AMY2B: variants seen among roughly 807,000 people sequenced by gnomAD.
AMY2B encodes amylase alpha 2B, also known as alpha-amylase 2B.
AMY2B carries 63 observed loss-of-function variants against 59.3 expected under a neutral mutation model. The ratio of observed to expected loss-of-function variants is 1.06; its 90% confidence interval spans 0.87 to 1.31. AMY2B has a LOEUF of 1.31. Ranked by LOEUF, AMY2B falls within the 50% of genes most tolerant of loss-of-function variation. The probability of loss-of-function intolerance (pLI) is 0.00; values close to 1 mark genes in which losing one functional copy is unlikely to be tolerated. For synonymous variants in AMY2B, 180 were observed against 198.1 expected (o/e 0.91, Z 0.77); for missense variants, 635 against 626.7 (o/e 1.01, Z -0.14).
upstream of AMY2B, chr1:103,568,581 G>A (rs1651988966): frequency 6.6e-6 from 1 of 152,070 alleles, no homozygotes. Context: ...TTTAAAAATG[G>A]AAATATCACA....
In AMY2B at chr1:103,577,520, A is replaced by T. The variant is rs754296775; in HGVS notation, c.1132A>T (p.Asn378Tyr). Residue 378 changes from asparagine to tyrosine, a missense_variant, in exon 8 of 10, where the codon AAT becomes TAT. Asn to Tyr is a moderately radical substitution (Grantham distance 143). Coordinates refer to ENST00000684275, the MANE Select transcript of AMY2B (RefSeq NM_001387437.1). The part of the protein sequence containing the change: ...DVNDWVGPPN[N>Y]NGVIKEVTIN... ...TAATGATTGGGTTGGGCCACCAAAT[A>T]ATAATGGAGTAATTAAAGAAGTTAC... 26 of 1,611,644 alleles carry T rather than the reference A, an allele frequency of 1.6e-5. No homozygotes were observed. The highest frequency in any genetic ancestry group is 2.1e-5 in the Non-Finnish European group (25 of 1,179,658).
At chr1:103,561,328 C>T (rs1352821888) in intron 1 of AMY2B, among the ~76,000 whole-genome samples, 11 of 151,940 alleles carry the variant, frequency 7.2e-5, no homozygotes, top group Admixed American at 5.2e-4. Flanking sequence ...AGTGCAGTGG[C>T]GCAGTCTCGG....
chr1:103,569,071 G>A (rs1652011964), upstream of AMY2B: 1 of 152,016 alleles, frequency 6.6e-6, no homozygotes, highest in African/African-American at 2.4e-5. Flanking sequence ...GCAACCATGA[G>A]GTCTTGGGAG....
chr1:103,562,461 C>G (rs1266462196), intron 1 of AMY2B, among the ~76,000 whole-genome samples: 2 of 152,064 alleles, frequency 1.3e-5, no homozygotes, highest in African/African-American at 4.8e-5. Flanking sequence ...TGAAGGTTTA[C>G]TATTTTGAGA....
chr1:103,571,404 A>C (rs905986775), upstream of AMY2B: 1 of 1,258,050 alleles, frequency 7.9e-7, no homozygotes, highest in African/African-American at 1.5e-5. Flanking sequence ...TTAATTTCTA[A>C]AAGGTCATTT....
At chr1:103,574,949 A>G (rs1360935433) in intron 5 of AMY2B, among the ~76,000 whole-genome samples, 1 of 151,202 alleles carries the variant, frequency 6.6e-6, no homozygotes, top group Non-Finnish European at 1.5e-5. Flanking sequence ...TATGAATATA[A>G]GTATTCCATA....
In AMY2B at chr1:103,573,170, T is replaced by C. The variant is rs752704778; in HGVS notation, c.423T>C (p.Phe141=). 11 of 1,613,668 alleles carry C rather than the reference T, an allele frequency of 6.8e-6. No homozygotes were observed. The highest frequency in any genetic ancestry group is 2.2e-5 in the East Asian group (1 of 44,868). Residue 141 remains phenylalanine, a synonymous_variant, in exon 3 of 10, where the codon TTT becomes TTC. Transcript: ENST00000684275. ...GSYFNPGSRD[F]PAVPYSGWDF... ...ACTTCAACCCTGGAAGTAGGGACTT[T>C]CCAGCAGTCCCATATTCTGGATGGG...
chr1:103,559,408 C>T (rs1651662754), intron 1 of AMY2B, among the ~76,000 whole-genome samples: 1 of 152,044 alleles, frequency 6.6e-6, no homozygotes, highest in Non-Finnish European at 1.5e-5. Context: ...GCTTAATTAC[C>T]TAAGGGCTTT....
intron 9 of AMY2B, among the ~76,000 whole-genome samples, chr1:103,578,774 T>C (rs910953727): frequency 2.6e-5 from 4 of 151,234 alleles, no homozygotes; most frequent in Non-Finnish European, 4.4e-5. Flanking sequence ...CCAAATTCTT[T>C]TTTACCTTAT....
chr1:103,574,010 A>T, intron 4 of AMY2B, 72 bp downstream of exon 4: 1 of 1,610,340 alleles, frequency 6.2e-7, no homozygotes, highest in Non-Finnish European at 8.5e-7. Flanking sequence ...TTAATTAAAA[A>T]TGCAATTTCT....
upstream of AMY2B, chr1:103,571,079 T>A: frequency 1.3e-6 from 1 of 792,182 alleles, no homozygotes; most frequent in Non-Finnish European, 1.6e-6. Context: ...AAGGGCTCCT[T>A]AACCAGTTGT....
intron 5 of AMY2B, among the ~76,000 whole-genome samples, 191 bp downstream of exon 5, chr1:103,574,584 A>T (rs1652270407): frequency 6.6e-6 from 1 of 152,146 alleles, no homozygotes; most frequent in Admixed American, 6.6e-5. Flanking sequence ...ACAAGTGAGT[A>T]TGCCTAGGAA....
chr1:103,569,414 G>GTGTT (rs2101069187), upstream of AMY2B: 1 of 208,126 alleles, frequency 4.8e-6, no homozygotes, highest in East Asian at 1.6e-4. Flanking sequence ...GTGTGTGTGT[G>GTGTT]TGTGTGTGTG....
At chr1:103,557,728 G>A (rs1440461637) in intron 1 of AMY2B, among the ~76,000 whole-genome samples, 3 of 151,620 alleles carry the variant, frequency 2.0e-5, no homozygotes, top group Non-Finnish European at 2.9e-5. Flanking sequence ...TTTGTATACC[G>A]TGATCTTTGA....
At chr1:103,574,091 A>G (rs895397694) in intron 4 of AMY2B, among the ~76,000 whole-genome samples, 153 bp downstream of exon 4, 4 of 152,222 alleles carry the variant, frequency 2.6e-5, no homozygotes, top group Non-Finnish European at 4.4e-5. Flanking sequence ...AGCATATCTA[A>G]TTCTTTATCA....
intron 5 of AMY2B, 43 bp downstream of exon 5, chr1:103,574,436 A>G (rs762181012): frequency 2.5e-6 from 4 of 1,608,454 alleles, no homozygotes; most frequent in Admixed American, 1.7e-5. Context: ...TCATAGATTT[A>G]TTAGTCATAG....
At chr1:103,557,598 A>C (rs1651599881) in intron 1 of AMY2B, among the ~76,000 whole-genome samples, 1 of 152,106 alleles carries the variant, frequency 6.6e-6, no homozygotes, top group East Asian at 1.9e-4. Context: ...GGTTGCAGTG[A>C]GCCGAGATTG....
chr1:103,563,810 T>C (rs1421865787), intron 1 of AMY2B, among the ~76,000 whole-genome samples: 1 of 152,112 alleles, frequency 6.6e-6, no homozygotes, highest in Non-Finnish European at 1.5e-5. Context: ...CTACCATGGA[T>C]CTGCCAGAAA....
chr1:103,562,504 G>A (rs1002263463), intron 1 of AMY2B, among the ~76,000 whole-genome samples: 1 of 152,016 alleles, frequency 6.6e-6, no homozygotes, highest in African/African-American at 2.4e-5. Context: ...AAACTCAGAG[G>A]AATTAAGACT....
Sources: gnomAD v4.1 joint callset for allele counts (sites outside exome capture counted in the v4.1 genomes callset) on GRCh38, gnomAD v4.1.1 for gene constraint, MANE v1.5 for transcripts, NCBI Gene and HGNC (gene_info 2026-07-23, HGNC 2026-07-21) for gene names.